The following CAPN6 variants were observed in gnomAD, a reference collection of about 807,000 sequenced individuals.
CAPN6 encodes the protein calpain 6, also known as calpain-6.
Under a neutral mutation model 46.0 loss-of-function variants are expected in CAPN6, and 16 were observed. The observed-to-expected ratio is 0.35, with a 90% CI of 0.24 to 0.53. The LOEUF is 0.53. Ranked by LOEUF, CAPN6 falls within the 20% of genes least tolerant of loss-of-function variation. The pLI is 0.94. For missense variants in CAPN6, 461 were observed against 498.0 expected (o/e 0.93, Z 0.71); for synonymous variants, 206 against 172.8 (o/e 1.19, Z -1.51).
intron 1 of CAPN6, among the ~76,000 whole-genome samples, chrX:111,264,289 G>T (rs2094990201): frequency 8.9e-6 from 1 of 111,953 alleles, no homozygotes; most frequent in Admixed American, 9.5e-5. Context: ...TTAAAGAGAA[G>T]TCTTCCATTT....
At chrX:111,258,424 A>G (rs1230715074) in intron 2 of CAPN6, among the ~76,000 whole-genome samples, 1 of 111,800 alleles carries the variant, frequency 8.9e-6, no homozygotes, top group African/African-American at 3.3e-5. Flanking sequence ...AGTCCCAGAA[A>G]GCTCAGGGGC....
At position 111,246,138 on chromosome X, in the gene CAPN6, T is replaced by G. The variant is rs2094974308; in HGVS notation, c.*439A>C. 1 of 117,910 alleles carries G rather than the reference T, an allele frequency of 8.5e-6. No homozygotes were observed. The highest frequency in any genetic ancestry group is 1.8e-5 in the Non-Finnish European group (1 of 57,117). 9.7% of individuals were successfully genotyped at this position (117,910 alleles called of 1,213,427 possible). On this transcript the variant is annotated 3_prime_UTR_variant, in exon 13 of 13. Coordinates refer to ENST00000324068, the MANE Select transcript of CAPN6 (RefSeq NM_014289.4). Reference sequence around the variant, plus strand: ...CTGGGTGAAATGCTGCTGGGAAGTCTATAGTGTTCAGTCAGGAGCTAGGAT... The same window carrying G: ...CTGGGTGAAATGCTGCTGGGAAGTCGATAGTGTTCAGTCAGGAGCTAGGAT...
At chrX:111,252,602 T>C (rs2094980595) in intron 4 of CAPN6, 103 bp from the exon 5 acceptor site, 1 of 623,454 alleles carries the variant, frequency 1.6e-6, no homozygotes, top group Admixed American at 4.1e-5. Flanking sequence ...CTTTACCAGA[T>C]GGCTTTTCTC....
At position 111,252,307 on chromosome X, in the gene CAPN6, C is replaced by A. The variant is rs1179646430; in HGVS notation, c.699G>T (p.Glu233Asp). 4 of 1,195,174 alleles carry A rather than the reference C, an allele frequency of 3.3e-6. No homozygotes were observed. ...GTGGTTGTTTTTCATGAGTACAAAC[C>A]TCAATGGAACAGCAGATCAGACCAC... ...TKGGLICCSI[E>D]SPNQEEQEVE... The change falls in exon 5 of 13, where the codon GAG becomes GAT. Residue 233 changes from glutamate (E) to aspartate (D), a missense_variant and splice_region_variant. Physicochemically the swap from Glu to Asp is conservative, Grantham distance 45 (BLOSUM62 2). Coordinates refer to ENST00000324068, the MANE Select transcript of CAPN6 (RefSeq NM_014289.4).
intron 4 of CAPN6, 71 bp downstream of exon 4, chrX:111,252,937 G>A (rs2094980926): frequency 3.3e-6 from 3 of 903,144 alleles, no homozygotes; most frequent in Non-Finnish European, 4.7e-6. Context: ...GAGAGAATGA[G>A]CTCCCAAAGA....
intron 3 of CAPN6, among the ~76,000 whole-genome samples, chrX:111,253,529 T>C (rs2094981387): frequency 8.9e-6 from 1 of 112,602 alleles, no homozygotes; most frequent in South Asian, 3.7e-4. Context: ...AGAAGCGGAC[T>C]ATATAAACAT....
chrX:111,248,375 G>T (rs2094976289), intron 10 of CAPN6, among the ~76,000 whole-genome samples, 194 bp downstream of exon 10: 1 of 112,557 alleles, frequency 8.9e-6, no homozygotes, highest in African/African-American at 3.2e-5. Context: ...GAGCTCTGAA[G>T]TTCAGACCTT....
chrX:111,247,766 T>C lies in CAPN6; in HGVS notation c.1606+105A>G, dbSNP rs2094975737. 5 of 1,020,670 alleles carry C rather than the reference T, an allele frequency of 4.9e-6. No homozygotes were observed. In the Admixed American group the frequency reaches 1.1e-4, roughly 21 times the overall value. The allele number at this position is 1,020,670 out of a possible 1,213,427, so 84.1% of individuals were successfully genotyped here. On this transcript the variant is annotated intron_variant, in intron 11 of 12. Transcript: ENST00000324068. Reference sequence around the variant, plus strand: ...GGTTGCCATCCATTCCCAACTTCTCTAGACAAAATATCGCTGGAGAAAATC... The same window carrying C: ...GGTTGCCATCCATTCCCAACTTCTCCAGACAAAATATCGCTGGAGAAAATC...
intron 1 of CAPN6, among the ~76,000 whole-genome samples, chrX:111,267,685 G>A: frequency 8.9e-6 from 1 of 111,990 alleles, no homozygotes; most frequent in Middle Eastern, 4.6e-3. Flanking sequence ...TTGGATTTAG[G>A]TGAGTGGGAG....
Position 111,263,852 on chromosome X carries a change from CACAGA to C in CAPN6, c.80_84del (p.Phe27Ter). The C allele has an allele frequency of 8.3e-7, 1 of 1,207,724 alleles. No homozygotes were observed. The highest frequency in any genetic ancestry group is 1.1e-6 in the Non-Finnish European group (1 of 892,822). On this transcript the variant is annotated frameshift_variant, in exon 2 of 13. Coordinates refer to ENST00000324068, the MANE Select transcript of CAPN6 (RefSeq NM_014289.4). LOFTEE classifies it high-confidence loss of function. ...TCATTCTCAGGCAGAAATGTTGGAT[CACAGA>C]AAAGTCTGCTGTCTTTGATGCATTC...
chrX:111,248,618 T>G lies in CAPN6; in HGVS notation c.1435A>C (p.Thr479Pro). ...AAGATTCTCAGGAGAAACTCGCTGG[T>G]GCGACCATGCTGGAACATGGTTGGG... is the stretch of plus-strand genomic sequence containing the variant. Reference protein sequence around the residue: ...LVPTMFQHGRTSEFLLRIFSE... With the variant: ...LVPTMFQHGRPSEFLLRIFSE... The change falls in exon 10 of 13, where the codon ACC (threonine) becomes CCC (proline). Residue 479 changes from threonine to proline, a missense_variant. Transcript: ENST00000324068. 4.1e-6 allele frequency: 5 copies of G among 1,209,549 alleles called. No individual in the cohort carries two copies. The highest frequency in any genetic ancestry group is 4.5e-6 in the Non-Finnish European group (4 of 894,903).
chrX:111,248,787 G>C lies in CAPN6; in HGVS notation c.1282-16C>G. 8.3e-7 allele frequency: 1 copy of C among 1,201,880 alleles called. No individual in the cohort carries two copies. The highest frequency in any genetic ancestry group is 1.1e-6 in the Non-Finnish European group (1 of 886,990). ...TCATCTCCACCTGGAAATGAAATAG[G>C]GTAAAATATTCAATTCCACTCAAAT... On this transcript the variant is annotated splice_polypyrimidine_tract_variant and intron_variant, in intron 9 of 12. Transcript: ENST00000324068.
At position 111,251,269 on chromosome X, in the gene CAPN6, T is replaced by C; in HGVS notation, c.911A>G (p.Gln304Arg). ...PWSEISEEWQ[Q>R]LTASDRKNLG... ...GTTCTTGCGATCTGATGCAGTCAGT[T>C]GCTGCCACTCTTCAGAACTGAAAGT... The change falls in exon 7 of 13, where the codon CAA becomes CGA. Residue 304 changes from glutamine to arginine, a missense_variant. Coordinates refer to ENST00000324068, the MANE Select transcript of CAPN6 (RefSeq NM_014289.4). 8.3e-7 allele frequency: 1 copy of C among 1,205,280 alleles called. No homozygotes were observed. The highest frequency in any genetic ancestry group is 1.1e-6 in the Non-Finnish European group (1 of 892,651).
At chrX:111,270,136 C>G (rs2094994900) in intron 1 of CAPN6, among the ~76,000 whole-genome samples, 1 of 111,831 alleles carries the variant, frequency 8.9e-6, no homozygotes, top group South Asian at 3.8e-4. Flanking sequence ...GTTTCATTGC[C>G]AGACAACCAC....
At chrX:111,260,296 G>A (rs182432546) in intron 2 of CAPN6, among the ~76,000 whole-genome samples, 207 of 112,254 alleles carry the variant, frequency 1.8e-3, no homozygotes, top group Non-Finnish European at 3.2e-3. Context: ...CCAAGGCGGC[G>A]AGGGGCGGAG....
intron 1 of CAPN6, among the ~76,000 whole-genome samples, chrX:111,269,352 T>C (rs755286950): frequency 2.7e-5 from 3 of 112,103 alleles, no homozygotes; most frequent in Non-Finnish European, 5.6e-5. Context: ...AGTCCACAAA[T>C]AATTTTTTTG....
At chrX:111,252,557 C>A in intron 4 of CAPN6, 58 bp from the exon 5 acceptor site, 2 of 971,420 alleles carry the variant, frequency 2.1e-6, no homozygotes, top group Non-Finnish European at 2.8e-6. Context: ...TCAAGAACAT[C>A]ATAATCTAAA....
chrX:111,258,698 T>C (rs188690285), intron 2 of CAPN6, among the ~76,000 whole-genome samples: 1 of 111,740 alleles, frequency 8.9e-6, no homozygotes, highest in East Asian at 2.8e-4. Context: ...GAGAATAGAA[T>C]AGGATCTTAG....
intron 11 of CAPN6, 104 bp from the exon 12 acceptor site, chrX:111,247,608 A>G: frequency 1.2e-6 from 1 of 836,655 alleles, no homozygotes; most frequent in Non-Finnish European, 1.7e-6. Context: ...TCAGCATAGC[A>G]CTCGAGCACC....
Sources: allele counts gnomAD v4.1 joint callset (sites outside exome capture counted in the v4.1 genomes callset), GRCh38; gene constraint gnomAD v4.1.1; transcripts MANE v1.5; gene names NCBI Gene and HGNC (gene_info 2026-07-23, HGNC 2026-07-21).